Variants in LINGO1 observed in about 807,000 individuals in gnomAD.
LINGO1 encodes leucine-rich repeat and immunoglobulin-like domain-containing nogo receptor-interacting protein 1.
LINGO1 carries 11 observed loss-of-function variants against 37.3 expected under a neutral mutation model. The observed-to-expected ratio is 0.29, with a 90% CI of 0.19 to 0.49. LINGO1 has a LOEUF of 0.49. LINGO1 is among the 20% of genes least tolerant of loss of function. LINGO1 has a pLI of 0.99. For missense variants in LINGO1, 585 were observed against 878.2 expected (o/e 0.67, Z 4.22); for synonymous variants, 387 against 403.0 (o/e 0.96, Z 0.48).
At chr15:77,796,280 TTG>T (rs1173923424) in intron 1 of LINGO1, among the ~76,000 whole-genome samples, 1 of 152,192 alleles carries the variant, frequency 6.6e-6, no homozygotes, top group African/African-American at 2.4e-5. Context: ...GTGTTGTCAA[TTG>T]TGCATGCCCA....
rs539244751 is a variant in LINGO1, at chr15:77,707,591, A to C, written c.-194-16690T>G. 9 of 152,392 alleles carry C rather than the reference A, an allele frequency of 5.9e-5. No individual in the cohort carries two copies. The South Asian group carries it at 1.9e-3, about 32-fold the overall frequency. The allele number at this position is 152,392 out of a possible 1,614,324, so 9.4% of individuals were successfully genotyped here. A position where few individuals can be genotyped will look rare whatever the true frequency, so the allele number is the denominator to read the frequency against. On this transcript the variant is annotated intron_variant, in intron 2 of 3. Transcript: ENST00000561686. Reference sequence around the variant, plus strand: ...GTCAGGGAAAAACCCTGGTCCCAGGAAGGGCTACGGTTCCCCAGAGGCTGC... The same window carrying C: ...GTCAGGGAAAAACCCTGGTCCCAGGCAGGGCTACGGTTCCCCAGAGGCTGC...
At chr15:77,702,718 G>A (rs2075800554) in intron 2 of LINGO1, among the ~76,000 whole-genome samples, 3 of 152,086 alleles carry the variant, frequency 2.0e-5, no homozygotes, top group Admixed American at 2.0e-4. Flanking sequence ...ACTACCTCCA[G>A]TCTGCCTGGG....
At chr15:77,805,233 G>A (rs143441183) in intron 1 of LINGO1, among the ~76,000 whole-genome samples, 130 of 152,316 alleles carry the variant, frequency 8.5e-4, no homozygotes, top group Non-Finnish European at 1.6e-3. Context: ...GTGTTCCCTG[G>A]ATGCAGCCAC....
chr15:77,674,647 C>T (rs911465592), intron 3 of LINGO1, among the ~76,000 whole-genome samples: 4 of 152,216 alleles, frequency 2.6e-5, no homozygotes, highest in African/African-American at 9.6e-5. Context: ...GCGCTTCCCC[C>T]ACAACATCCA....
chr15:77,616,554 C>A (rs970131473), intron 1 of LINGO1, among the ~76,000 whole-genome samples: 4 of 152,210 alleles, frequency 2.6e-5, no homozygotes, highest in African/African-American at 9.7e-5. Flanking sequence ...GTCTGTCACC[C>A]ATGGGGTTCC....
rs903466937 is a variant in LINGO1 at position 77,724,403 on chromosome 15, G to A, written c.-195+10589C>T. 1.8e-4 allele frequency among the ~76,000 whole-genome samples: 27 copies of A among 152,228 alleles called. 1 individual carries two copies. The highest frequency in any genetic ancestry group is 1.1e-3 in the Admixed American group (17 of 15,282). On this transcript the variant is annotated intron_variant, in intron 2 of 3. Transcript: ENST00000561686. ...AGCCTCGGTTTGCTGATCTGCAAAC[G>A]CGGGGACTTATCAGGTCTGTGGGCC...
intron 1 of LINGO1, among the ~76,000 whole-genome samples, chr15:77,749,490 TCAGCAGGGGCTAC>T: frequency 6.6e-6 from 1 of 152,242 alleles, no homozygotes; most frequent in Non-Finnish European, 1.5e-5. Context: ...CAAAAGAGAC[TCAGCAGGGGCTAC>T]CAGCTTTCCC....
chr15:77,636,554 G>C (rs1218177886), upstream of LINGO1, among the ~76,000 whole-genome samples: 1 of 152,138 alleles, frequency 6.6e-6, no homozygotes, highest in Non-Finnish European at 1.5e-5. Context: ...GGGCCCTGTG[G>C]AGCTGGGTGC....
At chr15:77,808,677 T>C in intron 1 of LINGO1, among the ~76,000 whole-genome samples, 1 of 152,118 alleles carries the variant, frequency 6.6e-6, no homozygotes. Context: ...AGCTCCTCCA[T>C]TCATTAGCTG....
At chr15:77,820,006 CT>C (rs1338188774) in intron 1 of LINGO1, 3 of 153,328 alleles carry the variant, frequency 2.0e-5, no homozygotes, top group African/African-American at 7.2e-5. Context: ...GCGCCCCTTC[CT>C]CCCCACCGCC....
intron 3 of LINGO1, among the ~76,000 whole-genome samples, chr15:77,639,544 T>C (rs1052472655): frequency 1.3e-5 from 2 of 151,800 alleles, no homozygotes; most frequent in Non-Finnish European, 2.9e-5. Context: ...GGCAGGATTG[T>C]TATAGCGAAA....
At chr15:77,816,209 G>A (rs1463929355) in intron 1 of LINGO1, among the ~76,000 whole-genome samples, 3 of 152,150 alleles carry the variant, frequency 2.0e-5, no homozygotes, top group Non-Finnish European at 4.4e-5. Flanking sequence ...TTTCCCCTTT[G>A]AGAGCCCATC....
At chr15:77,778,852 ACC>A (rs146109761) in intron 1 of LINGO1, among the ~76,000 whole-genome samples, 1,864 of 151,962 alleles carry the variant, frequency 0.012, 38 homozygotes, top group African/African-American at 0.043. Context: ...CTTTGCTAAA[ACC>A]CTGCGGTGAC....
intron 1 of LINGO1, among the ~76,000 whole-genome samples, chr15:77,766,311 A>AC (rs1596205083): frequency 1.3e-5 from 2 of 151,120 alleles, no homozygotes; most frequent in Non-Finnish European, 3.0e-5. Context: ...AAAAAAAAAA[A>AC]AAAAAACACA....
intron 1 of LINGO1, among the ~76,000 whole-genome samples, chr15:77,616,156 G>A (rs556285347): frequency 6.6e-5 from 10 of 152,170 alleles, no homozygotes; most frequent in Non-Finnish European, 1.5e-4. Flanking sequence ...GGGAAGGGGC[G>A]GGTCACCTCA....
At chr15:77,693,934 C>T (rs2075647671) in intron 1 of LINGO1, among the ~76,000 whole-genome samples, 1 of 152,188 alleles carries the variant, frequency 6.6e-6, no homozygotes, top group African/African-American at 2.4e-5. Context: ...AATGAACAGA[C>T]TTGGCATGTG....
At chr15:77,820,500 G>C (rs1345278783), upstream of LINGO1, among the ~76,000 whole-genome samples, 1 of 152,322 alleles carries the variant, frequency 6.6e-6, no homozygotes, top group East Asian at 1.9e-4. Context: ...GAGCGCCCTG[G>C]ACTGCGTGGC....
At chr15:77,694,066 A>C (rs2075649805) in intron 1 of LINGO1, among the ~76,000 whole-genome samples, 1 of 152,054 alleles carries the variant, frequency 6.6e-6, no homozygotes, top group South Asian at 2.1e-4. Flanking sequence ...TCTGGGGACC[A>C]TGTGTGTTGG....
chr15:77,760,373 C>T (rs1401727543), intron 1 of LINGO1, among the ~76,000 whole-genome samples: 1 of 152,194 alleles, frequency 6.6e-6, no homozygotes, highest in Admixed American at 6.5e-5. Flanking sequence ...AGGGGCTGAA[C>T]CAGCAACAGG....
Sources: allele counts gnomAD v4.1 joint callset (sites outside exome capture counted in the v4.1 genomes callset), GRCh38; gene constraint gnomAD v4.1.1; transcripts MANE v1.5; gene names NCBI Gene and HGNC (gene_info 2026-07-23, HGNC 2026-07-21).